Variants in CCDC83 observed in about 807,000 individuals in gnomAD.
CCDC83 encodes the protein coiled-coil domain containing 83, also known as coiled-coil domain-containing protein 83.
CCDC83 carries 54 observed loss-of-function variants against 50.1 expected under a neutral mutation model. The ratio of observed to expected loss-of-function variants is 1.08; its 90% CI spans 0.87 to 1.35. CCDC83 has a LOEUF of 1.35. CCDC83 is among the 40% of genes most tolerant of loss of function. The pLI is 0.00. For missense variants in CCDC83, 518 were observed against 473.9 expected, an observed-to-expected ratio of 1.09 and a Z score of -0.86; for synonymous variants, 161 against 153.3, an observed-to-expected ratio of 1.05 and a Z score of -0.37.
intron 2 of CCDC83, among the ~76,000 whole-genome samples, chr11:85,871,850 TTTAG>T (rs1288057421): frequency 6.6e-6 from 1 of 152,202 alleles, no homozygotes; most frequent in East Asian, 1.9e-4. Flanking sequence ...AGCCAAAGGG[TTTAG>T]GTAACACACT....
chr11:85,915,014 T>C lies in CCDC83; in HGVS notation c.795-405T>C, dbSNP rs540730562. Among the ~76,000 whole-genome samples the C allele has an allele frequency of 5.3e-5, 8 of 152,292 alleles. No homozygotes were observed. The South Asian group carries it at 1.7e-3, about 32-fold the overall frequency. ...AACAGCATGGAGGTAACCGCTCCCA[T>C]AATTCAATTACTTCCCACTGGGTCC... is the stretch of plus-strand genomic sequence containing the variant. On this transcript the variant is annotated intron_variant, in intron 8 of 10. Transcript: ENST00000342404.
At chr11:85,861,605 T>A (rs1054553890) in intron 1 of CCDC83, among the ~76,000 whole-genome samples, 1 of 152,218 alleles carries the variant, frequency 6.6e-6, no homozygotes, top group Non-Finnish European at 1.5e-5. Flanking sequence ...CCATTTTATA[T>A]GTCCAGAAAG....
At chr11:85,903,451 C>T (rs1174364538) in intron 7 of CCDC83, among the ~76,000 whole-genome samples, 6 of 151,124 alleles carry the variant, frequency 4.0e-5, no homozygotes, top group Non-Finnish European at 8.8e-5. Context: ...CATGCCACCA[C>T]GTTCCATCTA....
At chr11:85,856,347 A>G (rs75203358) in intron 1 of CCDC83, among the ~76,000 whole-genome samples, 23,984 of 152,208 alleles carry the variant, frequency 0.16, 2,089 homozygotes, top group Middle Eastern at 0.2. Context: ...GAAGGTAGAA[A>G]GAAGCCTTTT....
intron 8 of CCDC83, among the ~76,000 whole-genome samples, chr11:85,914,485 C>A (rs1427133991): frequency 3.3e-5 from 5 of 152,140 alleles, no homozygotes; most frequent in Non-Finnish European, 5.9e-5. Context: ...GTGAAGCATA[C>A]CACTAAGCAA....
At chr11:85,893,862 T>C (rs1464893321) in intron 5 of CCDC83, among the ~76,000 whole-genome samples, 1 of 152,172 alleles carries the variant, frequency 6.6e-6, no homozygotes, top group Non-Finnish European at 1.5e-5. Context: ...GACAGGGTTT[T>C]TTTCTGTCTT....
chr11:85,886,034 A>T (rs1189687046), intron 4 of CCDC83, among the ~76,000 whole-genome samples, 166 bp from the exon 5 acceptor site: 2 of 152,208 alleles, frequency 1.3e-5, no homozygotes, highest in African/African-American at 4.8e-5. Context: ...GGGGAGATAG[A>T]TAAACAACAG....
intron 7 of CCDC83, among the ~76,000 whole-genome samples, chr11:85,910,853 A>G (rs1412736178): frequency 6.6e-6 from 1 of 152,226 alleles, no homozygotes; most frequent in Admixed American, 6.5e-5. Flanking sequence ...ATGCACTTTT[A>G]GAAGTTGAGT....
intron 2 of CCDC83, among the ~76,000 whole-genome samples, chr11:85,872,931 C>T (rs1228958426): frequency 6.6e-6 from 1 of 151,590 alleles, no homozygotes; most frequent in Non-Finnish European, 1.5e-5. Context: ...TTCCTTTAGG[C>T]TAAATTATTT....
chr11:85,882,227 T>A (rs1024437810), intron 3 of CCDC83, among the ~76,000 whole-genome samples: 9 of 152,268 alleles, frequency 5.9e-5, no homozygotes, highest in African/African-American at 2.2e-4. Context: ...ACAATCTTCC[T>A]GGTTCTTGGT....
intron 5 of CCDC83, among the ~76,000 whole-genome samples, chr11:85,888,148 A>T (rs1311521569): frequency 6.6e-6 from 1 of 152,174 alleles, no homozygotes. Context: ...TCTTGTATTT[A>T]TGTCATTTCA....
At chr11:85,891,636 C>G (rs2093350781) in intron 5 of CCDC83, among the ~76,000 whole-genome samples, 1 of 152,152 alleles carries the variant, frequency 6.6e-6, no homozygotes, top group East Asian at 1.9e-4. Context: ...AGGTTCAAGA[C>G]TCCGTACAAA....
chr11:85,915,360 TA>T, intron 8 of CCDC83, 58 bp from the exon 9 acceptor site: 1 of 1,170,826 alleles, frequency 8.5e-7, no homozygotes, highest in Non-Finnish European at 1.3e-6. Context: ...TAGACCCTAG[TA>T]AGCATGCAAT....
At chr11:85,870,577 G>A (rs2093231408) in intron 2 of CCDC83, among the ~76,000 whole-genome samples, 1 of 152,044 alleles carries the variant, frequency 6.6e-6, no homozygotes, top group Non-Finnish European at 1.5e-5. Context: ...CAAGTGTCGT[G>A]GTGCACATCT....
intron 7 of CCDC83, among the ~76,000 whole-genome samples, chr11:85,906,375 C>T (rs2093425837): frequency 1.3e-5 from 2 of 152,070 alleles, no homozygotes; most frequent in African/African-American, 2.4e-5. Context: ...CCTCAATTCA[C>T]TTAATCTCAT....
At chr11:85,873,374 A>G (rs2093251008) in intron 3 of CCDC83, 79 bp downstream of exon 3, 1 of 530,466 alleles carries the variant, frequency 1.9e-6, no homozygotes. Context: ...ATTATGGTGA[A>G]ATATACTCTA....
intron 7 of CCDC83, among the ~76,000 whole-genome samples, chr11:85,900,289 T>C (rs1450984955): frequency 6.6e-6 from 1 of 152,224 alleles, no homozygotes; most frequent in African/African-American, 2.4e-5. Flanking sequence ...TGTTTACTTT[T>C]GACCTAAGAA....
In CCDC83 at chr11:85,895,334, A is replaced by G; in HGVS notation, c.553A>G (p.Ile185Val). 6.4e-7 allele frequency: 1 copy of G among 1,573,600 alleles called. No individual in the cohort carries two copies. The highest frequency in any genetic ancestry group is 2.3e-5 in the East Asian group (1 of 44,038). The change falls in exon 6 of 11, where the codon ATC (isoleucine) becomes GTC (valine). Residue 185 changes from isoleucine (I) to valine (V), a missense_variant. Coordinates refer to ENST00000342404, the MANE Select transcript of CCDC83 (RefSeq NM_001286159.2). ...ITLEDTRKKI[I>V]KETLLQLDQK... ...TCTGGAAGATACTAGAAAGAAAATAATCAAGGAAACTTTGTTGCAACTGGA... is the reference window on the plus strand; with the variant it reads ...TCTGGAAGATACTAGAAAGAAAATAGTCAAGGAAACTTTGTTGCAACTGGA...
chr11:85,866,486 C>T (rs80193798), intron 2 of CCDC83, among the ~76,000 whole-genome samples: 21,354 of 152,018 alleles, frequency 0.14, 1,808 homozygotes, highest in Middle Eastern at 0.2. Flanking sequence ...AGTTTGAGAT[C>T]AGCCTGAGTA....
Sources: allele counts gnomAD v4.1 joint callset (sites outside exome capture counted in the v4.1 genomes callset), GRCh38; gene constraint gnomAD v4.1.1; transcripts MANE v1.5; gene names NCBI Gene and HGNC (gene_info 2026-07-23, HGNC 2026-07-21).